Variants in CACNA1G observed in about 807,000 individuals in gnomAD.
CACNA1G encodes the protein calcium voltage-gated channel subunit alpha1 G.
Under a neutral mutation model 219.4 loss-of-function variants are expected in CACNA1G, and 67 were observed. That is an observed-to-expected ratio of 0.31 (90% CI 0.25 to 0.37). The LOEUF (loss-of-function observed/expected upper bound fraction) is 0.37, where lower values mean the gene tolerates loss of function less well. Ranked by LOEUF, CACNA1G falls within the 10% of genes least tolerant of loss-of-function variation. CACNA1G has a pLI of 1.00. For missense variants in CACNA1G, 2,380 were observed against 3,231.4 expected (o/e 0.74, Z 6.39); for synonymous variants, 1,296 against 1,345.3 (o/e 0.96, Z 0.80).
intron 4 of CACNA1G, among the ~76,000 whole-genome samples, chr17:50,570,588 T>TGTGTGTGTGTGTGTGTGA (rs1264136260): frequency 2.0e-5 from 3 of 151,286 alleles, no homozygotes; most frequent in Non-Finnish European, 2.9e-5. Flanking sequence ...TGTGTGTGTG[T>TGTGTGTGTGTGTGTGTGA]GATGTTGCTG....
rs1435528882 is a variant in CACNA1G at position 50,600,437 on chromosome 17, C to T, written c.3691-289C>T. 1.4e-5 allele frequency among the ~76,000 whole-genome samples: 2 copies of T among 146,422 alleles called. No homozygotes were observed. The highest frequency in any genetic ancestry group is 3.0e-5 in the Non-Finnish European group (2 of 66,372). Reference sequence around the variant, plus strand: ...CTCAGCAGGGAGGACAGGCAGGGGGCTGGGCTGGAGGCAGGGGTGGGGAGA... The same window carrying T: ...CTCAGCAGGGAGGACAGGCAGGGGGTTGGGCTGGAGGCAGGGGTGGGGAGA... On this transcript the variant is annotated intron_variant, in intron 17 of 37. Transcript: ENST00000359106. The surrounding 1 kb of genome is among the most constrained non-coding windows in gnomAD (Gnocchi z 4.1).
intron 25 of CACNA1G, among the ~76,000 whole-genome samples, chr17:50,608,598 A>G (rs139839254): frequency 6.4e-4 from 97 of 152,012 alleles, no homozygotes; most frequent in African/African-American, 2.1e-3. Flanking sequence ...ACAAAAAAAG[A>G]AAACTCCCCT....
chr17:50,621,586 G>A lies in CACNA1G; in HGVS notation c.5926-74G>A. ...AGGGGGAAGTGGGGACTGAGAGAGA[G>A]CGCGTGTGTGCGTGTGCACGCGCGT... On this transcript the variant is annotated intron_variant, in intron 34 of 37. Transcript: ENST00000359106. The surrounding 1 kb of genome is among the most constrained non-coding windows in gnomAD (Gnocchi z 4.6). The A allele has an allele frequency of 1.3e-6, 2 of 1,525,772 alleles. No homozygotes were observed. The highest frequency in any genetic ancestry group is 1.8e-6 in the Non-Finnish European group (2 of 1,113,412). 94.5% of individuals were successfully genotyped at this position (1,525,772 alleles called of 1,614,324 possible).
rs1007171605 is a variant in CACNA1G, at chr17:50,606,360, A to G, written c.4422+337A>G. 5 of 611,606 alleles carry G rather than the reference A, an allele frequency of 8.2e-6. No homozygotes were observed. The Admixed American group carries it at 1.3e-4, about 16-fold the overall frequency. The allele number at this position is 611,606 out of a possible 1,614,324, so 37.9% of individuals were successfully genotyped here. A position where few individuals can be genotyped will look rare whatever the true frequency, so the allele number is the denominator to read the frequency against. ...CAGCCCTGGATGTGAATCCTGTGCA[A>G]ATCCTGACCCCACCATTGTCAGCTC... On this transcript the variant is annotated intron_variant, in intron 23 of 37. Coordinates refer to ENST00000359106, the MANE Select transcript of CACNA1G (RefSeq NM_018896.5).
At chr17:50,606,142 C>A in intron 23 of CACNA1G, 119 bp downstream of exon 23, 1 of 1,357,770 alleles carries the variant, frequency 7.4e-7, no homozygotes, top group Non-Finnish European at 1.1e-6. Context: ...ATCAGCCCTT[C>A]ACACCCTCTG....
intron 26 of CACNA1G, among the ~76,000 whole-genome samples, chr17:50,613,172 G>GT: frequency 6.6e-6 from 1 of 152,302 alleles, no homozygotes; most frequent in South Asian, 2.1e-4. Flanking sequence ...GTCATGCCTC[G>GT]TAGCTAGCTG....
Position 50,626,343 on chromosome 17 carries a change from C to T in CACNA1G, c.6726C>T (p.Asp2242=), listed in dbSNP as rs2053799858. 4 of 1,612,992 alleles carry T rather than the reference C, an allele frequency of 2.5e-6. No homozygotes were observed. The highest frequency in any genetic ancestry group is 3.4e-6 in the Non-Finnish European group (4 of 1,179,862). The part of the protein sequence containing the change: ...GGQEEPPSPR[D]LKKCYSVEAQ... Reference sequence around the variant, plus strand: ...AGGAGGAGCCCCCATCCCCACGGGACCTGAAGAAGTGCTACAGCGTGGAGG... The same window carrying T: ...AGGAGGAGCCCCCATCCCCACGGGATCTGAAGAAGTGCTACAGCGTGGAGG... Residue 2242 remains aspartate (D), a synonymous_variant, in exon 38 of 38, where the codon GAC becomes GAT. Transcript: ENST00000359106. The surrounding 1 kb of genome is among the most constrained non-coding windows in gnomAD (Gnocchi z 4.3).
At chr17:50,610,068 G>A (rs960401845) in intron 26 of CACNA1G, 133 bp downstream of exon 26, 19 of 840,396 alleles carry the variant, frequency 2.3e-5, no homozygotes, top group Middle Eastern at 2.4e-4. Flanking sequence ...AGGGGCTGAA[G>A]CGCTGGGCTC....
Position 50,603,252 on chromosome 17 carries a change from G to A in CACNA1G, c.4169+53G>A, listed in dbSNP as rs2047141643. On this transcript the variant is annotated intron_variant, in intron 21 of 37. Coordinates refer to ENST00000359106, the MANE Select transcript of CACNA1G (RefSeq NM_018896.5). This position sits in a 1 kb window ranked among gnomAD's most constrained non-coding sequence, Gnocchi z 6.4. ...CTCCAAGAGGTGGCCCCCTCCGCAG[G>A]GACATCTCCCACCGCCAGCACTCCC... The A allele has an allele frequency of 2.7e-6, 4 of 1,489,602 alleles. No individual in the cohort carries two copies. In the East Asian group the frequency reaches 7.1e-5, roughly 26 times the overall value. 92.3% of individuals were successfully genotyped at this position (1,489,602 alleles called of 1,614,324 possible).
chr17:50,622,662 G>A (rs1329744157), intron 35 of CACNA1G, among the ~76,000 whole-genome samples: 1 of 152,192 alleles, frequency 6.6e-6, no homozygotes, highest in South Asian at 2.1e-4. Context: ...GGAACAAGGG[G>A]TGAAGGGTTC....
At chr17:50,625,463 G>A (rs2053521550) in intron 37 of CACNA1G, among the ~76,000 whole-genome samples, 1 of 152,246 alleles carries the variant, frequency 6.6e-6, no homozygotes, top group Non-Finnish European at 1.5e-5. Flanking sequence ...GTGGAGACAT[G>A]CCTGCCATCA....
At chr17:50,570,498 C>G (rs543374525) in intron 4 of CACNA1G, among the ~76,000 whole-genome samples, 1 of 150,674 alleles carries the variant, frequency 6.6e-6, no homozygotes, top group East Asian at 2.0e-4. Flanking sequence ...GCGAGGAATG[C>G]ATGTTTCTGG....
rs2047339377 is a variant in CACNA1G at position 50,603,803 on chromosome 17, G to A, written c.4170-352G>A. ...TCTCCCTCTGCCCCTTCCCCTCTCT[G>A]CCTGCTCCCCTACAAGTTTATCTCC... On this transcript the variant is annotated intron_variant, in intron 21 of 37. Transcript: ENST00000359106. This position sits in a 1 kb window ranked among gnomAD's most constrained non-coding sequence, Gnocchi z 6.4. 6.6e-6 allele frequency among the ~76,000 whole-genome samples: 1 copy of A among 151,492 alleles called. No homozygotes were observed. The highest frequency in any genetic ancestry group is 2.4e-5 in the African/African-American group (1 of 41,140).
chr17:50,612,952 GCTTT>G (rs1391662546), intron 26 of CACNA1G, among the ~76,000 whole-genome samples: 5 of 152,216 alleles, frequency 3.3e-5, no homozygotes, highest in Non-Finnish European at 5.9e-5. Flanking sequence ...CCTCCCAGGG[GCTTT>G]CTATTTCTTC....
rs1358902283 is a variant in CACNA1G at position 50,561,605 on chromosome 17, A to T, written c.146A>T (p.Glu49Val). The T allele has an allele frequency of 6.6e-5, 105 of 1,586,416 alleles. No individual in the cohort carries two copies. The highest frequency in any genetic ancestry group is 8.8e-5 in the Non-Finnish European group (103 of 1,168,142). Residue 49 changes from glutamate (E) to valine (V), a missense_variant, in exon 1 of 38, where the codon GAG (glutamate) becomes GTG (valine). Physicochemically the swap from Glu to Val is moderately radical, Grantham distance 121. This residue lies in a region of CACNA1G where 98 missense variants were observed against 85.5 expected (regional missense o/e 1.15). Coordinates refer to ENST00000359106, the MANE Select transcript of CACNA1G (RefSeq NM_018896.5). ...CCGGGCAGCGCGGACTCCGAGGCGG[A>T]GGGGCTGCCGTACCCGGCGCTGGCC... ...KDPGSADSEA[E>V]GLPYPALAPV...
Position 50,592,127 on chromosome 17 carries a change from C to T in CACNA1G, c.2910+35C>T, listed in dbSNP as rs1171184060. The T allele has an allele frequency of 1.9e-6, 3 of 1,575,580 alleles. No individual in the cohort carries two copies. The Admixed American group carries it at 5.3e-5, about 28-fold the overall frequency. ...TGCTCTGCCCACCTCACCCTGCCCA[C>T]AGCAGTCCCACTTCCAATTGGCTGC... On this transcript the variant is annotated intron_variant, in intron 13 of 37. Transcript: ENST00000359106.
rs1197656926 is a variant in CACNA1G at position 50,596,613 on chromosome 17, G to A, written c.3031G>A (p.Asp1011Asn). The A allele has an allele frequency of 9.3e-6, 15 of 1,613,980 alleles. No individual in the cohort carries two copies. Among genetic ancestry groups the A allele is most frequent in the Non-Finnish European group, 1.3e-5 (15 of 1,179,870 alleles). Reference sequence around the variant, plus strand: ...GCCCGATTTCTTCTCACCCAGCCTGGATGGTGATGGGGACAGGAAGAAGTG... The same window carrying A: ...GCCCGATTTCTTCTCACCCAGCCTGAATGGTGATGGGGACAGGAAGAAGTG... ...SEPDFFSPSL[D>N]GDGDRKKCLA... The change falls in exon 15 of 38, where the codon GAT becomes AAT. Residue 1011 changes from aspartate (D) to asparagine (N), a missense_variant. Transcript: ENST00000359106. This position sits in a 1 kb window ranked among gnomAD's most constrained non-coding sequence, Gnocchi z 4.8.
chr17:50,585,004 T>C (rs1047370089), intron 9 of CACNA1G, among the ~76,000 whole-genome samples: 18 of 152,098 alleles, frequency 1.2e-4, no homozygotes, highest in Non-Finnish European at 2.1e-4. Flanking sequence ...GCAAGGGCAC[T>C]TACCTGGGCT....
At chr17:50,606,844 G>A (rs1407550308) in intron 23 of CACNA1G, 56 bp from the exon 24 acceptor site, 4 of 1,312,150 alleles carry the variant, frequency 3.0e-6, no homozygotes, top group Non-Finnish European at 3.3e-6. Flanking sequence ...CAGGTGATAG[G>A]TGATTCAGCC....
Sources: allele counts gnomAD v4.1 joint callset (sites outside exome capture counted in the v4.1 genomes callset), GRCh38; gene constraint gnomAD v4.1.1; regional missense constraint gnomAD v4.1.1; non-coding constraint Gnocchi (gnomAD v3.1); transcripts MANE v1.5; gene names NCBI Gene and HGNC (gene_info 2026-07-23, HGNC 2026-07-21).